The following PRKN variants were observed in gnomAD, a reference collection of about 807,000 sequenced individuals.
PRKN encodes E3 ubiquitin-protein ligase parkin.
In PRKN, 56 loss-of-function variants were observed where a neutral mutation model predicts 59.5. The observed-to-expected ratio is 0.94, with a 90% CI of 0.76 to 1.18. PRKN has a LOEUF of 1.18. PRKN is among the 50% of genes most tolerant of loss of function. The pLI, the probability that PRKN is intolerant of heterozygous loss-of-function variation, is 0.00. For missense variants in PRKN, 657 were observed against 596.4 expected (o/e 1.10, Z -1.06); for synonymous variants, 250 against 222.1 (o/e 1.13, Z -1.12).
At chr6:162,212,274 C>T (rs887908894) in intron 3 of PRKN, among the ~76,000 whole-genome samples, 1 of 152,070 alleles carries the variant, frequency 6.6e-6, no homozygotes, top group South Asian at 2.1e-4. Flanking sequence ...AGTCAGCAAT[C>T]CCCCGAGATT....
chr6:162,265,623 G>A (rs932905646), intron 2 of PRKN, among the ~76,000 whole-genome samples: 1 of 152,122 alleles, frequency 6.6e-6, no homozygotes, highest in Non-Finnish European at 1.5e-5. Context: ...CCCAGGAGGC[G>A]AAGGTTGCAG....
At chr6:162,175,596 A>G (rs1783494556) in intron 4 of PRKN, among the ~76,000 whole-genome samples, 1 of 152,186 alleles carries the variant, frequency 6.6e-6, no homozygotes, top group Admixed American at 6.6e-5. Flanking sequence ...GATTTCTCCC[A>G]TGTACAGGTT....
chr6:162,243,291 T>C (rs188566147), intron 3 of PRKN, among the ~76,000 whole-genome samples: 12 of 152,294 alleles, frequency 7.9e-5, no homozygotes, highest in African/African-American at 2.4e-4. Flanking sequence ...AGAAGTTGTA[T>C]AGCAGTCACA....
chr6:162,112,523 T>C (rs1583049801), intron 4 of PRKN, among the ~76,000 whole-genome samples: 1 of 152,194 alleles, frequency 6.6e-6, no homozygotes, highest in South Asian at 2.1e-4. Flanking sequence ...CTAGAAGTCC[T>C]TGTCATCACA....
At chr6:161,811,212 G>A (rs1045801528) in intron 6 of PRKN, among the ~76,000 whole-genome samples, 3 of 152,066 alleles carry the variant, frequency 2.0e-5, no homozygotes, top group Non-Finnish European at 4.4e-5. Flanking sequence ...CAGCACACAA[G>A]CCAATAAACT....
intron 1 of PRKN, among the ~76,000 whole-genome samples, chr6:162,553,336 T>C (rs1779404867): frequency 6.6e-6 from 1 of 151,124 alleles, no homozygotes; most frequent in Non-Finnish European, 1.5e-5. Context: ...TGCAGTAACA[T>C]ATAAGGCAAA....
chr6:161,691,655 T>TG (rs1223217456), intron 7 of PRKN, among the ~76,000 whole-genome samples: 1 of 152,102 alleles, frequency 6.6e-6, no homozygotes, highest in African/African-American at 2.4e-5. Flanking sequence ...GCACTATGCT[T>TG]GGGGGGCATT....
At position 162,339,486 on chromosome 6, in the gene PRKN, C is replaced by T. The variant is rs1391831922; in HGVS notation, c.172-76721G>A. ...CTGGGAAGTGAGGAGCCCCTCTGCC[C>T]GGCCAGCCGCCCCGTCCGGGAGGGA... On this transcript the variant is annotated intron_variant, in intron 2 of 11. Transcript: ENST00000366898. 9.0e-5 allele frequency among the ~76,000 whole-genome samples: 12 copies of T among 133,054 alleles called. No individual in the cohort carries two copies. The East Asian group carries it at 1.6e-3, about 18-fold the overall frequency. The allele number at this position is 133,054 out of a possible 152,430, so 87.3% of individuals were successfully genotyped here.
intron 8 of PRKN, among the ~76,000 whole-genome samples, chr6:161,556,000 T>C (rs1393008553): frequency 6.6e-6 from 1 of 152,204 alleles, no homozygotes; most frequent in African/African-American, 2.4e-5. Context: ...ACCTAGTCTA[T>C]TTAATTTAGT....
chr6:161,758,380 C>T (rs1285939000), intron 7 of PRKN, among the ~76,000 whole-genome samples: 1 of 152,116 alleles, frequency 6.6e-6, no homozygotes, highest in Non-Finnish European at 1.5e-5. Context: ...ATAAAATATA[C>T]ACAATTCAGC....
chr6:161,624,064 G>T (rs1201865383), intron 7 of PRKN, among the ~76,000 whole-genome samples: 1 of 152,152 alleles, frequency 6.6e-6, no homozygotes, highest in Admixed American at 6.5e-5. Flanking sequence ...TCTCAAATCC[G>T]CAGAAATTAT....
intron 2 of PRKN, among the ~76,000 whole-genome samples, chr6:162,356,855 A>G (rs1253222131): frequency 1.3e-5 from 2 of 152,006 alleles, no homozygotes; most frequent in Non-Finnish European, 2.9e-5. Flanking sequence ...ACAAAGAGGC[A>G]AAGGCAATAG....
intron 9 of PRKN, among the ~76,000 whole-genome samples, chr6:161,509,581 GGAAAAAAA>G (rs1361397767): frequency 1.3e-5 from 2 of 150,968 alleles, no homozygotes; most frequent in African/African-American, 2.4e-5. Flanking sequence ...TCCTTTGGGG[GGAAAAAAA>G]GAAAAAAAGG....
intron 1 of PRKN, among the ~76,000 whole-genome samples, chr6:162,454,312 C>T (rs1206789137): frequency 6.6e-6 from 1 of 152,172 alleles, no homozygotes; most frequent in Non-Finnish European, 1.5e-5. Flanking sequence ...CTCTATTCCA[C>T]TACACTTTAT....
intron 6 of PRKN, among the ~76,000 whole-genome samples, chr6:161,841,382 C>T (rs1289529129): frequency 2.7e-5 from 4 of 150,666 alleles, no homozygotes; most frequent in Non-Finnish European, 5.9e-5. Flanking sequence ...CAGGGTCTCA[C>T]TCTGTTGCCC....
At chr6:161,495,219 A>G (rs961128507) in intron 9 of PRKN, among the ~76,000 whole-genome samples, 1 of 152,164 alleles carries the variant, frequency 6.6e-6, no homozygotes, top group African/African-American at 2.4e-5. Context: ...CTCCCTTCGG[A>G]CTACCCACAT....
At chr6:162,405,560 T>C (rs1178384691) in intron 2 of PRKN, among the ~76,000 whole-genome samples, 1 of 152,182 alleles carries the variant, frequency 6.6e-6, no homozygotes, top group Non-Finnish European at 1.5e-5. Context: ...AACATTTACA[T>C]GCTAAAGCTC....
At chr6:162,697,169 G>C (rs190510179) in intron 1 of PRKN, among the ~76,000 whole-genome samples, 1 of 152,228 alleles carries the variant, frequency 6.6e-6, no homozygotes, top group Admixed American at 6.5e-5. Flanking sequence ...AATTGTTAAA[G>C]TTGGATGACT....
Position 161,402,595 on chromosome 6 carries a change from A to G in PRKN, c.1084-15718T>C, listed in dbSNP as rs977581740. 6.6e-6 allele frequency among the ~76,000 whole-genome samples: 1 copy of G among 152,090 alleles called. No homozygotes were observed. The highest frequency in any genetic ancestry group is 2.4e-5 in the African/African-American group (1 of 41,374). ...GCTGGGCTATTGATTAAAATGGCATATAAACAGATTAACAGGAGAAAGAGC... is the reference window on the plus strand; with the variant it reads ...GCTGGGCTATTGATTAAAATGGCATGTAAACAGATTAACAGGAGAAAGAGC... On this transcript the variant is annotated intron_variant, in intron 9 of 11. Transcript: ENST00000366898. The surrounding 1 kb of genome is among the most constrained non-coding windows in gnomAD (Gnocchi z 4.5).
Sources: gnomAD v4.1 joint callset for allele counts (sites outside exome capture counted in the v4.1 genomes callset) on GRCh38, gnomAD v4.1.1 for gene constraint, Gnocchi (gnomAD v3.1) non-coding constraint, MANE v1.5 for transcripts, NCBI Gene and HGNC (gene_info 2026-07-23, HGNC 2026-07-21) for gene names.